Variants in UCK1 observed in about 807,000 individuals in gnomAD.
UCK1 encodes cytidine monophosphokinase 1.
Under a neutral mutation model 34.0 loss-of-function variants are expected in UCK1, and 20 were observed. That is an observed-to-expected ratio of 0.59 (90% CI 0.41 to 0.86). UCK1 has a LOEUF of 0.86. Ranked by LOEUF, UCK1 falls within the 40% of genes least tolerant of loss-of-function variation. UCK1 has a pLI of 0.00. For missense variants in UCK1, 343 were observed against 383.6 expected (o/e 0.89, Z 0.88); for synonymous variants, 168 against 155.9 (o/e 1.08, Z -0.58).
chr9:131,531,223 A>C lies in UCK1; in HGVS notation c.-49T>G, dbSNP rs928100957. The C allele has an allele frequency of 7.6e-6, 10 of 1,319,292 alleles. No individual in the cohort carries two copies. Among genetic ancestry groups the C allele is most frequent in the South Asian group, 5.5e-5 (3 of 54,392 alleles). The allele number at this position is 1,319,292 out of a possible 1,614,324, so 81.7% of individuals were successfully genotyped here. A position where few individuals can be genotyped will look rare whatever the true frequency, so the allele number is the denominator to read the frequency against. ...GGGTCCCCGCGCCCGCCCCTTCCCC[A>C]GGCCCGGCGCGCCCGCCCAGCGCCG... On this transcript the variant is annotated 5_prime_UTR_variant, in exon 1 of 7. Transcript: ENST00000372215.
In UCK1 at chr9:131,528,733, T is replaced by C. The variant is rs950806940; in HGVS notation, c.603+211A>G. ...GGCCAGTGTGAATGTGGGGGAGATATGGGGCTTTTTTAGGCAGAGGGAGGA... is the reference window on the plus strand; with the variant it reads ...GGCCAGTGTGAATGTGGGGGAGATACGGGGCTTTTTTAGGCAGAGGGAGGA... On this transcript the variant is annotated intron_variant, in intron 5 of 6. Coordinates refer to ENST00000372215, the MANE Select transcript of UCK1 (RefSeq NM_031432.5). The C allele has an allele frequency of 1.3e-5, 8 of 617,754 alleles. No individual in the cohort carries two copies. The East Asian group carries it at 2.0e-4, about 15-fold the overall frequency. The allele number at this position is 617,754 out of a possible 1,614,324, so 38.3% of individuals were successfully genotyped here. A position where few individuals can be genotyped will look rare whatever the true frequency, so the allele number is the denominator to read the frequency against.
rs1420320630 is a variant in UCK1 at position 131,531,058 on chromosome 9, G to A, written c.108+9C>T. On this transcript the variant is annotated intron_variant, in intron 1 of 6. Transcript: ENST00000372215. ...GAGAGGCGAGACCCCGGCCCGCTCG[G>A]CCCCTTACCTTCCCGCTGGCAGTGC... 2.2e-6 allele frequency: 3 copies of A among 1,384,356 alleles called. No homozygotes were observed. The highest frequency in any genetic ancestry group is 2.8e-6 in the Non-Finnish European group (3 of 1,070,854). 85.8% of individuals were successfully genotyped at this position (1,384,356 alleles called of 1,614,324 possible).
Position 131,527,510 on chromosome 9 carries a change from C to T in UCK1, c.603+1434G>A, listed in dbSNP as rs962381268. Among the ~76,000 whole-genome samples the T allele has an allele frequency of 3.9e-5, 6 of 152,144 alleles. No homozygotes were observed. The East Asian group carries it at 1.2e-3, about 29-fold the overall frequency. On this transcript the variant is annotated intron_variant, in intron 5 of 6. Transcript: ENST00000372215. Reference sequence around the variant, plus strand: ...TGAATGAGAGACTAAAACAAGTTAACTTTACTTTTAAAATTATATTTTAGA... The same window carrying T: ...TGAATGAGAGACTAAAACAAGTTAATTTTACTTTTAAAATTATATTTTAGA...
rs1950505324 is a variant in UCK1 at position 131,524,541 on chromosome 9, A to G, written c.*499T>C. The G allele has an allele frequency of 8.2e-6, 1 of 121,514 alleles. No homozygotes were observed. 7.5% of individuals were successfully genotyped at this position (121,514 alleles called of 1,614,324 possible). A position where few individuals can be genotyped will look rare whatever the true frequency, so the allele number is the denominator to read the frequency against. ...AACCAGCCTTGTGTTATGAAACAGA[A>G]AACAGAAAACATGAGGACATGTAAC... On this transcript the variant is annotated 3_prime_UTR_variant, in exon 7 of 7. Coordinates refer to ENST00000372215, the MANE Select transcript of UCK1 (RefSeq NM_031432.5).
Position 131,525,990 on chromosome 9 carries a change from AG to A in UCK1, c.604-14del, listed in dbSNP as rs770910464. The A allele has an allele frequency of 3.7e-6, 6 of 1,613,742 alleles. No homozygotes were observed. Among genetic ancestry groups the A allele is most frequent in the Admixed American group, 3.3e-5 (2 of 59,954 alleles). ...CATACTTCTTTGTCTGTAAGGCACA[AG>A]GGGGGGTGTTCCTGTGAGGACTTTT... On this transcript the variant is annotated splice_polypyrimidine_tract_variant and intron_variant, in intron 5 of 6. Coordinates refer to ENST00000372215, the MANE Select transcript of UCK1 (RefSeq NM_031432.5).
intron 5 of UCK1, 126 bp from the exon 6 acceptor site, chr9:131,526,103 G>A (rs1053854952): frequency 1.7e-5 from 17 of 1,024,576 alleles, no homozygotes; most frequent in Admixed American, 1.5e-4. Context: ...TGGTGTCATC[G>A]GCAAATGGGG....
chr9:131,526,932 TAC>T (rs994570780), intron 5 of UCK1, among the ~76,000 whole-genome samples: 2 of 152,016 alleles, frequency 1.3e-5, no homozygotes, highest in Non-Finnish European at 2.9e-5. Context: ...TGGGCCTGAA[TAC>T]AGTTGGGAAA....
chr9:131,524,423 A>AG lies in UCK1; in HGVS notation c.*616dup, dbSNP rs1230446239. 1.3e-5 allele frequency: 2 copies of AG among 152,260 alleles called. No individual in the cohort carries two copies. Among genetic ancestry groups the AG allele is most frequent in the East Asian group, 3.8e-4 (2 of 5,196 alleles). The allele number at this position is 152,260 out of a possible 1,614,324, so 9.4% of individuals were successfully genotyped here. A position where few individuals can be genotyped will look rare whatever the true frequency, so the allele number is the denominator to read the frequency against. On this transcript the variant is annotated 3_prime_UTR_variant, in exon 7 of 7. Coordinates refer to ENST00000372215, the MANE Select transcript of UCK1 (RefSeq NM_031432.5). ...CTTCTCTGCCTTTAAGGCACAAGCA[A>AG]GGGGGGAAAACATCCCTCAGTGGCT...
In UCK1 at chr9:131,531,145, CTCGCAG is replaced by C; in HGVS notation, c.24_29del (p.Asp8_Cys9del). The C allele has an allele frequency of 2.1e-6, 3 of 1,445,950 alleles. No homozygotes were observed. Among genetic ancestry groups the C allele is most frequent in the Non-Finnish European group, 2.7e-6 (3 of 1,102,528 alleles). 89.6% of individuals were successfully genotyped at this position (1,445,950 alleles called of 1,614,324 possible). A position where few individuals can be genotyped will look rare whatever the true frequency, so the allele number is the denominator to read the frequency against. ...GACGGTCGGCCTCCGGCGCGGGGCT[CTCGCAG>C]TCTTCGCCTCCCGCCGAAGCCATCT... On this transcript the variant is annotated inframe_deletion, in exon 1 of 7. Coordinates refer to ENST00000372215, the MANE Select transcript of UCK1 (RefSeq NM_031432.5).
intron 5 of UCK1, among the ~76,000 whole-genome samples, chr9:131,528,551 G>A (rs943644479): frequency 6.6e-6 from 1 of 152,168 alleles, no homozygotes; most frequent in South Asian, 2.1e-4. Context: ...AAGTGCTCCT[G>A]GGCTTCCCCA....
chr9:131,527,452 C>A (rs148975443), intron 5 of UCK1, among the ~76,000 whole-genome samples: 1 of 152,116 alleles, frequency 6.6e-6, no homozygotes, highest in South Asian at 2.1e-4. Flanking sequence ...AGTTTTACTG[C>A]GAATCACCTA....
chr9:131,530,872 G>A (rs968544208), intron 1 of UCK1, among the ~76,000 whole-genome samples, 195 bp downstream of exon 1: 1 of 152,140 alleles, frequency 6.6e-6, no homozygotes, highest in African/African-American at 2.4e-5. Context: ...CTGTGGGGGA[G>A]CCCCGAGGCC....
chr9:131,526,265 C>T, intron 5 of UCK1: 1 of 691,464 alleles, frequency 1.4e-6, no homozygotes, highest in East Asian at 3.2e-5. Context: ...CACTCCATTA[C>T]AGGAGACAGC....
Position 131,529,557 on chromosome 9 carries a change from C to A in UCK1, c.296G>T (p.Arg99Met). The change falls in exon 3 of 7, where the codon AGG (arginine) becomes ATG (methionine). Residue 99 changes from arginine (R) to methionine (M), a missense_variant. Physicochemically the swap from Arg to Met is moderately conservative, Grantham distance 91. Coordinates refer to ENST00000372215, the MANE Select transcript of UCK1 (RefSeq NM_031432.5). The stretch of plus-strand genomic sequence containing the variant: ...GCCCTCCACGATGTTCTTCAGAGTC[C>A]TGTGCATCAAATCATTATCAAAGGC... ...PDAFDNDLMH[R>M]TLKNIVEGKT... is the part of the protein sequence containing the mutation. 6.2e-7 allele frequency: 1 copy of A among 1,614,132 alleles called. No homozygotes were observed. Among genetic ancestry groups the A allele is most frequent in the Non-Finnish European group, 8.5e-7 (1 of 1,180,018 alleles).
Position 131,529,159 on chromosome 9 carries a change from G to A in UCK1, c.477C>T (p.Asp159=), listed in dbSNP as rs996324841. The A allele has an allele frequency of 6.2e-7, 1 of 1,614,008 alleles. No homozygotes were observed. The highest frequency in any genetic ancestry group is 8.5e-7 in the Non-Finnish European group (1 of 1,179,958). ...GAGACAGCCTGACGTCGGAGTCGGT[G>A]TCCACGAAGAGGCGCAGGTGGAACA... ...RDMFHLRLFV[D]TDSDVRLSRR... Residue 159 remains aspartate (D), a synonymous_variant, in exon 4 of 7, where the codon GAC becomes GAT. Transcript: ENST00000372215.
At chr9:131,526,048 CAG>C (rs1564404925) in intron 5 of UCK1, 71 bp from the exon 6 acceptor site, 3 of 1,581,446 alleles carry the variant, frequency 1.9e-6, no homozygotes, top group East Asian at 2.2e-5. Context: ...TGCTCAGAAA[CAG>C]ATGCAACAGC....
rs1215015334 is a variant in UCK1 at position 131,524,888 on chromosome 9, C to CT, written c.*151dup. On this transcript the variant is annotated 3_prime_UTR_variant, in exon 7 of 7. Transcript: ENST00000372215. ...AGCAAGTTGAGTCTGAGTGACACAT[C>CT]TGAGTTTCCACTCCTGAGTGAGGAA... The CT allele has an allele frequency of 2.2e-6, 2 of 894,582 alleles. No homozygotes were observed. The highest frequency in any genetic ancestry group is 1.7e-5 in the African/African-American group (1 of 59,268). The allele number at this position is 894,582 out of a possible 1,614,324, so 55.4% of individuals were successfully genotyped here.
chr9:131,530,224 A>C (rs1285535463), intron 2 of UCK1, among the ~76,000 whole-genome samples: 1 of 152,188 alleles, frequency 6.6e-6, no homozygotes, highest in East Asian at 1.9e-4. Context: ...CAGTTGTGGC[A>C]GGGCAGGGCA....
At chr9:131,528,477 C>G (rs969002958) in intron 5 of UCK1, among the ~76,000 whole-genome samples, 1 of 152,196 alleles carries the variant, frequency 6.6e-6, no homozygotes, top group East Asian at 1.9e-4. Context: ...GTCACAGACC[C>G]TGGAGGAGCA....
Sources: gnomAD v4.1 joint callset for allele counts (sites outside exome capture counted in the v4.1 genomes callset) on GRCh38, gnomAD v4.1.1 for gene constraint, MANE v1.5 for transcripts, NCBI Gene and HGNC (gene_info 2026-07-23, HGNC 2026-07-21) for gene names.